Variants in VPS33A observed in about 807,000 individuals in gnomAD.
VPS33A encodes the protein vacuolar protein sorting-associated protein 33A.
Under a neutral mutation model 71.8 loss-of-function variants are expected in VPS33A, and 32 were observed. The ratio of observed to expected loss-of-function variants is 0.45; its 90% confidence interval spans 0.34 to 0.60. VPS33A has a LOEUF of 0.60. Among genes scored for constraint, VPS33A ranks in the 20% least tolerant of loss-of-function variants. The probability of loss-of-function intolerance (pLI) is 0.02; values close to 1 mark genes in which losing one functional copy is unlikely to be tolerated. For synonymous variants in VPS33A, 311 were observed against 292.7 expected, an observed-to-expected ratio of 1.06 and a Z score of -0.64; for missense variants, 625 against 748.5, an observed-to-expected ratio of 0.84 and a Z score of 1.92.
At position 122,238,788 on chromosome 12, in the gene VPS33A, C is replaced by T; in HGVS notation, c.1165-64G>A. On this transcript the variant is annotated intron_variant, in intron 9 of 12. Coordinates refer to ENST00000267199, the MANE Select transcript of VPS33A (RefSeq NM_022916.6). Reference sequence around the variant, plus strand: ...ATATACATACACACACACACACACACACACACACACACACACACAATACAT... The same window carrying T: ...ATATACATACACACACACACACACATACACACACACACACACACAATACAT... 10 of 1,261,690 alleles carry T rather than the reference C, an allele frequency of 7.9e-6. No homozygotes were observed. The East Asian group carries it at 1.9e-4, about 25-fold the overall frequency. 78.2% of individuals were successfully genotyped at this position (1,261,690 alleles called of 1,614,324 possible).
In VPS33A at chr12:122,236,406, G is replaced by A. The variant is rs945332429; in HGVS notation, c.1303-483C>T. On this transcript the variant is annotated intron_variant, in intron 10 of 12. Coordinates refer to ENST00000267199, the MANE Select transcript of VPS33A (RefSeq NM_022916.6). Reference sequence around the variant, plus strand: ...TGTAATCCCAGTACTTTGGGAGGCCGAGGCGGGCCAATCACTTGAAGTCAG... The same window carrying A: ...TGTAATCCCAGTACTTTGGGAGGCCAAGGCGGGCCAATCACTTGAAGTCAG... 2.6e-5 allele frequency among the ~76,000 whole-genome samples: 4 copies of A among 152,150 alleles called. No homozygotes were observed. In the South Asian group the frequency reaches 6.2e-4, roughly 24 times the overall value.
chr12:122,266,492 A>G lies in VPS33A; in HGVS notation c.-84T>C, dbSNP rs1483914572. The G allele has an allele frequency of 1.3e-6, 2 of 1,541,572 alleles. No individual in the cohort carries two copies. Among genetic ancestry groups the G allele is most frequent in the Non-Finnish European group, 1.8e-6 (2 of 1,137,644 alleles). On this transcript the variant is annotated 5_prime_UTR_variant, in exon 1 of 13. Transcript: ENST00000267199. ...GACCACGGACGCAGTCACGTGACCA[A>G]ACGTCCACGTGACCGGTACGGCAGC...
chr12:122,260,289 T>G (rs201424160), intron 4 of VPS33A, among the ~76,000 whole-genome samples: 13 of 151,966 alleles, frequency 8.6e-5, no homozygotes, highest in South Asian at 6.2e-4. Context: ...TGTGAGTTTT[T>G]TTTTTTGTTT....
At chr12:122,264,551 T>C (rs1374467276) in intron 1 of VPS33A, among the ~76,000 whole-genome samples, 1 of 152,090 alleles carries the variant, frequency 6.6e-6, no homozygotes, top group Non-Finnish European at 1.5e-5. Flanking sequence ...CCACCATGCC[T>C]GGCCAATTTT....
In VPS33A at chr12:122,232,255, T is replaced by G; in HGVS notation, c.1782A>C (p.Lys594Asn). ...GTCTCCTCTGAACATCCTAGAAAGG[T>G]TTTTCCATCAGAGCCTCTATCCAAC... ...GTSWIEALME[K>N]PF The change falls in exon 13 of 13, where the codon AAA becomes AAC. Residue 594 changes from lysine (K) to asparagine (N), a missense_variant. Coordinates refer to ENST00000267199, the MANE Select transcript of VPS33A (RefSeq NM_022916.6). 1.2e-6 allele frequency: 2 copies of G among 1,610,158 alleles called. No individual in the cohort carries two copies. Among genetic ancestry groups the G allele is most frequent in the Non-Finnish European group, 1.7e-6 (2 of 1,178,414 alleles).
chr12:122,245,889 A>G (rs1782864081), intron 6 of VPS33A, among the ~76,000 whole-genome samples: 3 of 152,212 alleles, frequency 2.0e-5, no homozygotes, highest in Admixed American at 1.3e-4. Context: ...GCAAAAGCCT[A>G]AAATACTTAC....
At chr12:122,236,695 A>T (rs1402509653) in intron 10 of VPS33A, among the ~76,000 whole-genome samples, 1 of 152,224 alleles carries the variant, frequency 6.6e-6, no homozygotes, top group African/African-American at 2.4e-5. Context: ...TGAGCTGGGC[A>T]CTGTTCTGGT....
At chr12:122,251,173 G>A in intron 4 of VPS33A, 74 bp from the exon 5 acceptor site, 1 of 967,650 alleles carries the variant, frequency 1.0e-6, no homozygotes. Flanking sequence ...CTGGGGCTGG[G>A]GTGCAGCGAC....
rs548964223 is a variant in VPS33A at position 122,239,748 on chromosome 12, T to A, written c.1164+130A>T. The A allele has an allele frequency of 0.024, 7,399 of 307,096 alleles. 271 individuals carry two copies. The highest frequency in any genetic ancestry group is 0.14 in the African/African-American group (2,234 of 16,066). The allele number at this position is 307,096 out of a possible 1,614,324, so 19.0% of individuals were successfully genotyped here. On this transcript the variant is annotated intron_variant, in intron 9 of 12. Transcript: ENST00000267199. ...GGGTGACACACAGTGAGACTCCGTC[T>A]CAAAAAAAAAAAAAAAAAAAAAAAA...
intron 4 of VPS33A, chr12:122,253,067 CT>C (rs1954866004): frequency 6.6e-6 from 1 of 152,322 alleles, no homozygotes; most frequent in Admixed American, 6.5e-5. Context: ...GTCAGGCCCT[CT>C]GCCCCAGGGA....
intron 11 of VPS33A, 98 bp from the exon 12 acceptor site, chr12:122,233,066 T>A: frequency 7.5e-7 from 1 of 1,327,896 alleles, no homozygotes; most frequent in Non-Finnish European, 1.0e-6. Flanking sequence ...TGATTTGGAT[T>A]TAAAGATATA....
At chr12:122,249,439 G>A (rs1244757207) in intron 6 of VPS33A, 1 of 152,656 alleles carries the variant, frequency 6.6e-6, no homozygotes, top group Non-Finnish European at 1.5e-5. Context: ...TTGCCAGACT[G>A]GTCTTGAACA....
intron 3 of VPS33A, 125 bp downstream of exon 3, chr12:122,263,445 CTA>C (rs1955025353): frequency 8.6e-7 from 1 of 1,161,956 alleles, no homozygotes; most frequent in Admixed American, 2.7e-5. Flanking sequence ...TCTTCCATGC[CTA>C]TCTCAGTTTT....
At chr12:122,259,377 G>T (rs186784481) in intron 4 of VPS33A, among the ~76,000 whole-genome samples, 116 of 152,092 alleles carry the variant, frequency 7.6e-4, no homozygotes, top group Middle Eastern at 3.4e-3. Context: ...GCGCCATCAT[G>T]CCTGGCTAAT....
At chr12:122,248,521 A>T (rs1954805294) in intron 6 of VPS33A, 1 of 152,218 alleles carries the variant, frequency 6.6e-6, no homozygotes, top group Non-Finnish European at 1.5e-5. Context: ...CAAACCAAAC[A>T]TACTTGTGAT....
At chr12:122,254,549 T>A (rs1440976451) in intron 4 of VPS33A, among the ~76,000 whole-genome samples, 1 of 151,666 alleles carries the variant, frequency 6.6e-6, no homozygotes, top group Non-Finnish European at 1.5e-5. Flanking sequence ...ATTACAGGCA[T>A]GCACCACCAC....
intron 6 of VPS33A, among the ~76,000 whole-genome samples, chr12:122,245,261 A>T (rs1001030209): frequency 6.7e-6 from 1 of 150,142 alleles, no homozygotes; most frequent in Admixed American, 6.7e-5. Context: ...GCTTCGTTTT[A>T]TTTTTTTTTT....
Position 122,232,008 on chromosome 12 carries a change from G to A in VPS33A, c.*238C>T, listed in dbSNP as rs1269475251. 2 of 444,170 alleles carry A rather than the reference G, an allele frequency of 4.5e-6. No homozygotes were observed. The highest frequency in any genetic ancestry group is 4.1e-5 in the African/African-American group (2 of 48,970). The allele number at this position is 444,170 out of a possible 1,614,324, so 27.5% of individuals were successfully genotyped here. A position where few individuals can be genotyped will look rare whatever the true frequency, so the allele number is the denominator to read the frequency against. The stretch of plus-strand genomic sequence containing the variant: ...GGAGGTGGAGGTTGCAGTGAGGTGA[G>A]ACCGTGCCACTGCACTCTAGTCTGG... On this transcript the variant is annotated 3_prime_UTR_variant, in exon 13 of 13. Transcript: ENST00000267199.
chr12:122,261,485 T>A, intron 3 of VPS33A, 38 bp from the exon 4 acceptor site: 1 of 1,603,062 alleles, frequency 6.2e-7, no homozygotes. Context: ...TATGAGCTCC[T>A]AAGAGTCATG....
Sources: allele counts gnomAD v4.1 joint callset (sites outside exome capture counted in the v4.1 genomes callset), GRCh38; gene constraint gnomAD v4.1.1; transcripts MANE v1.5; gene names NCBI Gene and HGNC (gene_info 2026-07-23, HGNC 2026-07-21).